Variants in GCNT1 observed in about 807,000 individuals in gnomAD.
GCNT1 encodes the protein glucosaminyl (N-acetyl) transferase 1, also known as beta-1,3-galactosyl-O-glycosyl-glycoprotein beta-1,6-N-acetylglucosaminyltransferase.
A neutral mutation model predicts 26.2 loss-of-function variants in GCNT1; 16 were observed. That is an observed-to-expected ratio of 0.61 (90% CI 0.41 to 0.93). GCNT1 has a LOEUF of 0.93. GCNT1 is among the 40% of genes least tolerant of loss of function. The pLI is 0.00. For synonymous variants in GCNT1, 183 were observed against 190.8 expected (o/e 0.96, Z 0.34); for missense variants, 477 against 526.7 (o/e 0.91, Z 0.92).
chr9:76,399,312 G>C, the GCNT1 span: 1 of 1,440,768 alleles, frequency 6.9e-7, no homozygotes, highest in African/African-American at 1.4e-5. Context: ...TACTTCTACA[G>C]AGATCCTGAA....
At chr9:76,467,296 C>G (rs1234800518) in intron 2 of GCNT1, among the ~76,000 whole-genome samples, 1 of 152,340 alleles carries the variant, frequency 6.6e-6, no homozygotes, top group Admixed American at 6.5e-5. Context: ...CCCGCCTTGG[C>G]CTCCCAAAGT....
chr9:76,452,008 G>A (rs1389709310), intron 1 of GCNT1, among the ~76,000 whole-genome samples: 8 of 128,682 alleles, frequency 6.2e-5, no homozygotes, highest in South Asian at 4.8e-4. Context: ...TCTCTCTGTC[G>A]CCCAGGCTGG....
chr9:76,415,928 CAG>C (rs1823128659), upstream of GCNT1, among the ~76,000 whole-genome samples: 1 of 152,110 alleles, frequency 6.6e-6, no homozygotes, highest in African/African-American at 2.4e-5. Flanking sequence ...CTGGTAATCA[CAG>C]GGGCTGAAGC....
chr9:76,483,559 C>T (rs1041905140), intron 2 of GCNT1, among the ~76,000 whole-genome samples: 10 of 151,956 alleles, frequency 6.6e-5, no homozygotes, highest in South Asian at 2.1e-4. Flanking sequence ...GGTCTACAGG[C>T]GTGCACCACC....
intron 2 of GCNT1, among the ~76,000 whole-genome samples, chr9:76,481,975 T>C (rs1371762576): frequency 6.6e-6 from 1 of 152,216 alleles, no homozygotes; most frequent in Non-Finnish European, 1.5e-5. Context: ...AAATCTTTTA[T>C]AGTGGGCAGT....
chr9:76,487,537 G>T (rs753183077), intron 2 of GCNT1, among the ~76,000 whole-genome samples: 5 of 152,194 alleles, frequency 3.3e-5, no homozygotes, highest in Non-Finnish European at 5.9e-5. Flanking sequence ...GCATATGTAG[G>T]CATGAGCCAC....
intron 1 of GCNT1, among the ~76,000 whole-genome samples, chr9:76,425,626 A>G (rs1428403344): frequency 6.6e-6 from 1 of 152,194 alleles, no homozygotes; most frequent in Non-Finnish European, 1.5e-5. Context: ...GACAAAGCCA[A>G]TTTATCAAGA....
Position 76,504,959 on chromosome 9 carries a change from T to C in GCNT1, c.*1291T>C, listed in dbSNP as rs1444232411. On this transcript the variant is annotated 3_prime_UTR_variant, in exon 4 of 4. Transcript: ENST00000376730. ...ATCATTCACAGCATACGATTTTTACTCTCTCCATCTTCACCATAAGACAGA... is the reference window on the plus strand; with the variant it reads ...ATCATTCACAGCATACGATTTTTACCCTCTCCATCTTCACCATAAGACAGA... 1 of 413,250 alleles carries C rather than the reference T, an allele frequency of 2.4e-6. No individual in the cohort carries two copies. The highest frequency in any genetic ancestry group is 3.6e-5 in the East Asian group (1 of 28,084). 25.6% of individuals were successfully genotyped at this position (413,250 alleles called of 1,614,324 possible). A position where few individuals can be genotyped will look rare whatever the true frequency, so the allele number is the denominator to read the frequency against.
intron 2 of GCNT1, among the ~76,000 whole-genome samples, chr9:76,473,006 C>T (rs1824173137): frequency 6.6e-6 from 1 of 152,088 alleles, no homozygotes; most frequent in South Asian, 2.1e-4. Context: ...ACCTCGGCCT[C>T]CTAAAGTGCT....
In GCNT1 at chr9:76,503,215, C is replaced by G. The variant is rs375124342; in HGVS notation, c.834C>G (p.Leu278=). 3 of 1,613,934 alleles carry G rather than the reference C, an allele frequency of 1.9e-6. No individual in the cohort carries two copies. In the African/African-American group the frequency reaches 4.0e-5, roughly 22 times the overall value. The change falls in exon 4 of 4, where the codon CTC becomes CTG. Residue 278 remains leucine (L), a synonymous_variant. Coordinates refer to ENST00000376730, the MANE Select transcript of GCNT1 (RefSeq NM_001490.5). The part of the protein sequence containing the change: ...NTGTVKMLPP[L]ETPLFSGSAY... ...GGACTGTCAAAATGCTTCCTCCACT[C>G]GAAACACCTCTCTTTTCTGGCAGTG...
intron 2 of GCNT1, among the ~76,000 whole-genome samples, chr9:76,481,900 G>A (rs1824432458): frequency 6.6e-6 from 1 of 152,106 alleles, no homozygotes; most frequent in Non-Finnish European, 1.5e-5. Context: ...GTATGAAGAG[G>A]GCCAAGTGAT....
intron 2 of GCNT1, among the ~76,000 whole-genome samples, chr9:76,469,766 G>A (rs776997289): frequency 3.3e-5 from 5 of 152,138 alleles, no homozygotes; most frequent in Non-Finnish European, 7.3e-5. Flanking sequence ...TAAGTGCCTG[G>A]GTTCATCCTA....
intron 2 of GCNT1, among the ~76,000 whole-genome samples, chr9:76,469,588 A>G (rs1824085378): frequency 6.6e-6 from 1 of 151,944 alleles, no homozygotes; most frequent in Non-Finnish European, 1.5e-5. Context: ...TTACGGCTTG[A>G]GCTGAGCTTT....
intron 2 of GCNT1, among the ~76,000 whole-genome samples, chr9:76,476,140 C>T (rs1336382284): frequency 3.9e-5 from 6 of 152,090 alleles, no homozygotes; most frequent in African/African-American, 1.4e-4. Context: ...AACTGAAAAT[C>T]CAGATTTGAG....
chr9:76,483,992 T>C (rs1457497067), intron 2 of GCNT1, among the ~76,000 whole-genome samples: 3 of 151,634 alleles, frequency 2.0e-5, no homozygotes, highest in Non-Finnish European at 2.9e-5. Context: ...AAAACTTTTT[T>C]ATTTCAGCAC....
chr9:76,479,437 C>T (rs1824355577), intron 2 of GCNT1, among the ~76,000 whole-genome samples: 2 of 152,240 alleles, frequency 1.3e-5, no homozygotes, highest in African/African-American at 4.8e-5. Context: ...AATCGCCACA[C>T]TGTCTTCCAC....
chr9:76,488,587 C>T (rs1180440723), intron 2 of GCNT1, among the ~76,000 whole-genome samples: 5 of 152,156 alleles, frequency 3.3e-5, no homozygotes, highest in Non-Finnish European at 1.5e-5. Flanking sequence ...TGGGTTCAAG[C>T]GATTGTTCTG....
chr9:76,432,595 C>A (rs189858926), intron 1 of GCNT1, among the ~76,000 whole-genome samples: 29 of 152,248 alleles, frequency 1.9e-4, no homozygotes, highest in African/African-American at 5.5e-4. Context: ...CTGCCTGGGC[C>A]TCCCAAAGTG....
At chr9:76,396,793 C>T in the GCNT1 span, among the ~76,000 whole-genome samples, 1 of 152,150 alleles carries the variant, frequency 6.6e-6, no homozygotes, top group South Asian at 2.1e-4. Flanking sequence ...AGCTGGAGAT[C>T]ACGCCACTGC....
Sources: gnomAD v4.1 joint callset for allele counts (sites outside exome capture counted in the v4.1 genomes callset) on GRCh38, gnomAD v4.1.1 for gene constraint, MANE v1.5 for transcripts, NCBI Gene and HGNC (gene_info 2026-07-23, HGNC 2026-07-21) for gene names.